Variants in MIPEP observed in about 807,000 individuals in gnomAD.
MIPEP encodes the protein mitochondrial intermediate peptidase.
A neutral mutation model predicts 90.3 loss-of-function variants in MIPEP; 79 were observed. The ratio of observed to expected loss-of-function variants is 0.87; its 90% CI spans 0.73 to 1.05. MIPEP has a LOEUF of 1.05. MIPEP is among the 50% of genes least tolerant of loss of function. The pLI is 0.00. For synonymous variants in MIPEP, 334 were observed against 315.8 expected (o/e 1.06, Z -0.61); for missense variants, 940 against 905.6 (o/e 1.04, Z -0.49).
Position 23,841,532 on chromosome 13 carries a change from A to C in MIPEP, c.1107-44T>G, listed in dbSNP as rs760300176. ...GTTCAACAGCATCTTTGTTTATTTC[A>C]ATTTCTGAAGGTAAATTCAATTAAC... is the stretch of plus-strand genomic sequence containing the variant. On this transcript the variant is annotated intron_variant, in intron 10 of 18. Coordinates refer to ENST00000382172, the MANE Select transcript of MIPEP (RefSeq NM_005932.4). 23 of 1,538,874 alleles carry C rather than the reference A, an allele frequency of 1.5e-5. 1 individual carries two copies. In the Admixed American group the frequency reaches 1.8e-4, roughly 12 times the overall value.
At chr13:23,779,898 C>T (rs1465958814) in intron 16 of MIPEP, among the ~76,000 whole-genome samples, 12 of 152,200 alleles carry the variant, frequency 7.9e-5, no homozygotes, top group South Asian at 2.1e-4. Context: ...AAGGCAGCAG[C>T]GAGGCTGGGG....
intron 10 of MIPEP, chr13:23,842,368 TAATA>T (rs1004479375): frequency 6.6e-6 from 1 of 152,198 alleles, no homozygotes; most frequent in Non-Finnish European, 1.5e-5. Flanking sequence ...ACATAGTTAC[TAATA>T]AATGAATGAG....
intron 10 of MIPEP, among the ~76,000 whole-genome samples, chr13:23,849,662 T>C (rs1008504546): frequency 5.3e-5 from 8 of 152,362 alleles, no homozygotes; most frequent in Admixed American, 5.2e-4. Flanking sequence ...TTAAGAACAA[T>C]AGAATTTAGT....
chr13:23,845,288 C>T lies in MIPEP; in HGVS notation c.1107-3800G>A, dbSNP rs77480931. ...TCCACAGCAAACACATGACAAAGCT[C>T]ATTTCATGCATCTCCTGTTGTGTTG... On this transcript the variant is annotated intron_variant, in intron 10 of 18. Transcript: ENST00000382172. Among the ~76,000 whole-genome samples, 652 of 152,262 alleles carry T rather than the reference C, an allele frequency of 4.3e-3. 2 individuals are homozygous for T. The highest frequency in any genetic ancestry group is 0.015 in the African/African-American group (625 of 41,550).
intron 10 of MIPEP, among the ~76,000 whole-genome samples, chr13:23,847,346 G>A (rs1869589605): frequency 6.6e-6 from 1 of 151,762 alleles, no homozygotes; most frequent in African/African-American, 2.4e-5. Flanking sequence ...AAATGAGTGT[G>A]GTGATAAAAA....
chr13:23,760,442 C>A (rs878969102), intron 16 of MIPEP: 18 of 715,180 alleles, frequency 2.5e-5, no homozygotes, highest in South Asian at 2.1e-4. Flanking sequence ...CAAAGCCATA[C>A]CTCAGAATGT....
intron 18 of MIPEP, among the ~76,000 whole-genome samples, chr13:23,748,783 C>A (rs1001992906): frequency 6.6e-6 from 1 of 152,214 alleles, no homozygotes. Context: ...AAGGCTGGTG[C>A]TTTGAGCACG....
intron 1 of MIPEP, chr13:23,888,748 T>G: frequency 9.7e-7 from 1 of 1,025,824 alleles, no homozygotes; most frequent in Non-Finnish European, 1.2e-6. Flanking sequence ...CGCACAGGGA[T>G]AGGCCTCTTA....
At chr13:23,863,655 A>T (rs1410212317) in intron 8 of MIPEP, among the ~76,000 whole-genome samples, 1 of 152,136 alleles carries the variant, frequency 6.6e-6, no homozygotes, top group Non-Finnish European at 1.5e-5. Context: ...CAGATAAGGG[A>T]CACTCAACTT....
chr13:23,823,678 A>C (rs1005885041), intron 14 of MIPEP, among the ~76,000 whole-genome samples: 1 of 152,142 alleles, frequency 6.6e-6, no homozygotes, highest in African/African-American at 2.4e-5. Context: ...AAAAATTTAA[A>C]ATTAGCTGGG....
intron 16 of MIPEP, among the ~76,000 whole-genome samples, chr13:23,770,996 C>T (rs570688874): frequency 6.6e-6 from 1 of 152,324 alleles, no homozygotes; most frequent in East Asian, 1.9e-4. Flanking sequence ...CCAAACCTCA[C>T]TGAATTCACA....
At chr13:23,741,027 A>T (rs1412589756) in intron 18 of MIPEP, among the ~76,000 whole-genome samples, 1 of 152,228 alleles carries the variant, frequency 6.6e-6, no homozygotes, top group Non-Finnish European at 1.5e-5. Context: ...AACACCAATC[A>T]GGCATGGCCA....
chr13:23,761,419 G>A (rs1380142599), intron 16 of MIPEP, among the ~76,000 whole-genome samples: 1 of 152,148 alleles, frequency 6.6e-6, no homozygotes, highest in East Asian at 1.9e-4. Context: ...CACTTGGAAC[G>A]CCTGGTCATC....
intron 7 of MIPEP, among the ~76,000 whole-genome samples, chr13:23,864,826 A>G (rs1456226777): frequency 6.6e-6 from 1 of 152,126 alleles, no homozygotes; most frequent in Non-Finnish European, 1.5e-5. Flanking sequence ...GTAAGAAAAA[A>G]AAGTTCTGAG....
intron 14 of MIPEP, among the ~76,000 whole-genome samples, chr13:23,834,155 C>A (rs938229024): frequency 3.3e-5 from 5 of 152,252 alleles, no homozygotes; most frequent in African/African-American, 1.2e-4. Flanking sequence ...GCCGAGCCCC[C>A]GGAGCCGGAG....
intron 14 of MIPEP, among the ~76,000 whole-genome samples, chr13:23,832,900 T>A (rs1320594647): frequency 6.6e-6 from 1 of 152,256 alleles, no homozygotes; most frequent in Non-Finnish European, 1.5e-5. Flanking sequence ...ACCTCTGGTA[T>A]CTGCTATCTC....
rs550815572 is a variant in MIPEP at position 23,809,221 on chromosome 13, C to A, written c.1728+629G>T. Among the ~76,000 whole-genome samples, 44 of 152,108 alleles carry A rather than the reference C, an allele frequency of 2.9e-4. 1 individual carries two copies. In the South Asian group the frequency reaches 9.0e-3, roughly 31 times the overall value. On this transcript the variant is annotated intron_variant, in intron 15 of 18. Transcript: ENST00000382172. ...AAAACACAAAAATTTTAAAAAGATA[C>A]AAAATGAATAAACATATGTATATAT...
Position 23,870,147 on chromosome 13 carries a change from T to C in MIPEP, c.652A>G (p.Thr218Ala), listed in dbSNP as rs1474935337. Residue 218 changes from threonine to alanine, a missense_variant, in exon 6 of 19, where the codon ACA becomes GCA. By Grantham distance (58) the Thr-to-Ala change is moderately conservative. Transcript: ENST00000382172. ...GGAAAATTGGTTCCCATAAGAAATG[T>C]ACTACTCAAATCCAAGATTTTAACA... is the stretch of plus-strand genomic sequence containing the variant. ...LNVKILDLSS[T>A]FLMGTNFPNK... The C allele has an allele frequency of 5.0e-6, 8 of 1,610,814 alleles. No individual in the cohort carries two copies. Among genetic ancestry groups the C allele is most frequent in the Non-Finnish European group, 5.9e-6 (7 of 1,178,450 alleles).
At chr13:23,787,385 A>C (rs1952855406) in intron 16 of MIPEP, among the ~76,000 whole-genome samples, 1 of 141,908 alleles carries the variant, frequency 7.0e-6, no homozygotes, top group African/African-American at 2.6e-5. Flanking sequence ...AGAGAGAGCA[A>C]GAGCAAGAGA....
Sources: gnomAD v4.1 joint callset for allele counts (sites outside exome capture counted in the v4.1 genomes callset) on GRCh38, gnomAD v4.1.1 for gene constraint, MANE v1.5 for transcripts, NCBI Gene and HGNC (gene_info 2026-07-23, HGNC 2026-07-21) for gene names.